POLE: variants seen among roughly 807,000 people sequenced by gnomAD.
POLE encodes the protein DNA polymerase epsilon catalytic subunit A.
In POLE, 188 loss-of-function variants were observed where a neutral mutation model predicts 279.2. The ratio of observed to expected loss-of-function variants is 0.67; its 90% CI spans 0.60 to 0.76. POLE has a LOEUF of 0.76. Among genes scored for constraint, POLE ranks in the 30% least tolerant of loss-of-function variants. The pLI is 0.00. For missense variants in POLE, 2,703 were observed against 3,016.7 expected, an observed-to-expected ratio of 0.90 and a Z score of 2.44; for synonymous variants, 1,214 against 1,172.5, an observed-to-expected ratio of 1.04 and a Z score of -0.72.
At chr12:132,625,380 T>C in intron 47 of POLE, 2 of 739,358 alleles carry the variant, frequency 2.7e-6, no homozygotes, top group Non-Finnish European at 5.0e-6. Context: ...CTCTTCCTCC[T>C]TTCCTTCTCT....
intron 1 of POLE, among the ~76,000 whole-genome samples, chr12:132,686,869 CCCCTCCCCGCA>C (rs2043283977): frequency 1.3e-5 from 2 of 151,894 alleles, no homozygotes; most frequent in Admixed American, 6.6e-5. Flanking sequence ...CCCGGCCCCG[CCCCTCCCCGCA>C]CCCTCCCCAG....
At position 132,648,906 on chromosome 12, in the gene POLE, A is replaced by G. The variant is rs371309654; in HGVS notation, c.4149+23T>C. The G allele has an allele frequency of 2.4e-5, 39 of 1,598,278 alleles. No individual in the cohort carries two copies. In the African/African-American group the frequency reaches 3.7e-4, roughly 15 times the overall value. The stretch of plus-strand genomic sequence containing the variant: ...CCTCAGGCTGCCCAGATGACTGCAG[A>G]GGCAGCACCAGCTCCTCCCTACCTT... On this transcript the variant is annotated intron_variant, in intron 32 of 48. Coordinates refer to ENST00000320574, the MANE Select transcript of POLE (RefSeq NM_006231.4).
In POLE at chr12:132,675,418, G is replaced by A. The variant is rs772441931; in HGVS notation, c.1206C>T (p.Cys402=). 6.2e-7 allele frequency: 1 copy of A among 1,614,126 alleles called. No homozygotes were observed. Among genetic ancestry groups the A allele is most frequent in the African/African-American group, 1.3e-5 (1 of 75,046 alleles). Residue 402 remains cysteine, a synonymous_variant, in exon 12 of 49, where the codon TGC becomes TGT. Coordinates refer to ENST00000320574, the MANE Select transcript of POLE (RefSeq NM_006231.4). This position sits in a 1 kb window ranked among gnomAD's most constrained non-coding sequence, Gnocchi z 4.3. ...DSQGEYKAPQ[C]IHMDCLRWVK... is the part of the protein sequence containing the mutation. ...CCTACCTGAGGCAGTCCATGTGGAT[G>A]CACTGGGGCGCCTTGTACTCCCCCT...
chr12:132,682,291 C>CAAAAA lies in POLE; in HGVS notation c.63-1017_63-1013dup, dbSNP rs759276322. 5.4e-3 allele frequency among the ~76,000 whole-genome samples: 656 copies of CAAAAA among 120,386 alleles called. 10 individuals are homozygous for CAAAAA. Among genetic ancestry groups the CAAAAA allele is most frequent in the African/African-American group, 0.02 (592 of 29,120 alleles). 79.0% of individuals were successfully genotyped at this position (120,386 alleles called of 152,430 possible). Reference sequence around the variant, plus strand: ...CCTGGGCAGCAGAGCGAGACTCCGGCAAAAAAAAAAAAATAAATAAAAATA... The same window carrying CAAAAA: ...CCTGGGCAGCAGAGCGAGACTCCGGCAAAAAAAAAAAAAAAAAATAAATAAAAATA... On this transcript the variant is annotated intron_variant, in intron 1 of 48. Transcript: ENST00000320574.
intron 12 of POLE, among the ~76,000 whole-genome samples, chr12:132,674,831 C>CCCTTCCCTT (rs2043007462): frequency 6.8e-6 from 1 of 147,348 alleles, no homozygotes; most frequent in Admixed American, 6.7e-5. Flanking sequence ...TTCCCTCCCT[C>CCCTTCCCTT]CCTTCCCTTC....
intron 29 of POLE, among the ~76,000 whole-genome samples, chr12:132,656,127 T>A (rs1228354400): frequency 6.7e-6 from 1 of 150,330 alleles, no homozygotes; most frequent in African/African-American, 2.5e-5. Flanking sequence ...CTAGGCATGG[T>A]GGTGTGTGCC....
At chr12:132,682,957 A>T (rs536565705) in intron 1 of POLE, among the ~76,000 whole-genome samples, 52 of 152,220 alleles carry the variant, frequency 3.4e-4, no homozygotes, top group East Asian at 1.5e-3. Context: ...CGTCTAAAAA[A>T]AAAATAAAAT....
rs754481643 is a variant in POLE at position 132,624,908 on chromosome 12, G to A, written c.6744C>T (p.Thr2248=). ...AGGCAGATGAGGGAGAGCCCACCTG[G>A]GTGTGGATGGTGAGGGCGAAGTCTC... ...CAGDFALTIH[T]QVFMEQIGIF... is the part of the protein sequence containing the mutation. The change falls in exon 48 of 49, where the codon ACC becomes ACT. Residue 2248 remains threonine, a synonymous_variant. Transcript: ENST00000320574. 2 of 1,612,352 alleles carry A rather than the reference G, an allele frequency of 1.2e-6. No homozygotes were observed. The highest frequency in any genetic ancestry group is 2.2e-5 in the South Asian group (2 of 91,030).
In POLE at chr12:132,628,295, G is replaced by A. The variant is rs946143084; in HGVS notation, c.6331-1978C>T. On this transcript the variant is annotated intron_variant, in intron 45 of 48. Coordinates refer to ENST00000320574, the MANE Select transcript of POLE (RefSeq NM_006231.4). ...AGGGAGCTTGCAGTGAGCCAAGATC[G>A]CGCCACTGCACTCCAGCCTGGGCGA... Among the ~76,000 whole-genome samples the A allele has an allele frequency of 9.2e-5, 14 of 151,952 alleles. No homozygotes were observed. In the Middle Eastern group the frequency reaches 0.01, roughly 111 times the overall value.
At chr12:132,652,469 G>A (rs2042444671) in intron 29 of POLE, among the ~76,000 whole-genome samples, 1 of 151,846 alleles carries the variant, frequency 6.6e-6, no homozygotes, top group African/African-American at 2.4e-5. Context: ...CTACAGGCAT[G>A]CACAACCATG....
rs1311350422 is a variant in POLE at position 132,687,262 on chromosome 12, C to G, written c.54G>C (p.Glu18Asp). 2.0e-6 allele frequency: 3 copies of G among 1,500,228 alleles called. No homozygotes were observed. The Admixed American group carries it at 6.3e-5, about 31-fold the overall frequency. The allele number at this position is 1,500,228 out of a possible 1,614,324, so 92.9% of individuals were successfully genotyped here. A position where few individuals can be genotyped will look rare whatever the true frequency, so the allele number is the denominator to read the frequency against. The change falls in exon 1 of 49, where the codon GAG becomes GAC. Residue 18 changes from glutamate (E) to aspartate (D), a missense_variant. Glu to Asp is a conservative substitution (Grantham distance 45, BLOSUM62 2). This residue lies in a region of POLE where 1,011 missense variants were observed against 1,111.7 expected (regional missense o/e 0.91). Transcript: ENST00000320574. ...RRRADPGADG[E>D]ASRDDGATSS... ...AGGAGGGCGCCCCTCACCTGCTGGC[C>G]TCGCCATCCGCGCCTGGGTCCGCGC... is the stretch of plus-strand genomic sequence containing the variant.
chr12:132,687,324 T>A lies in POLE; in HGVS notation c.-9A>T. The A allele has an allele frequency of 2.7e-6, 4 of 1,498,784 alleles. No homozygotes were observed. Among genetic ancestry groups the A allele is most frequent in the Non-Finnish European group, 3.6e-6 (4 of 1,123,122 alleles). The allele number at this position is 1,498,784 out of a possible 1,614,324, so 92.8% of individuals were successfully genotyped here. A position where few individuals can be genotyped will look rare whatever the true frequency, so the allele number is the denominator to read the frequency against. ...CCGCTCCTCAGAGACATGGAGCCGTTGGCTACCACCTCTGCTTCAGGGGAG... is the reference window on the plus strand; with the variant it reads ...CCGCTCCTCAGAGACATGGAGCCGTAGGCTACCACCTCTGCTTCAGGGGAG... On this transcript the variant is annotated 5_prime_UTR_variant, in exon 1 of 49. Transcript: ENST00000320574.
In POLE at chr12:132,638,967, C is replaced by T. The variant is rs558562416; in HGVS notation, c.5552+158G>A. On this transcript the variant is annotated intron_variant, in intron 40 of 48. Coordinates refer to ENST00000320574, the MANE Select transcript of POLE (RefSeq NM_006231.4). The stretch of plus-strand genomic sequence containing the variant: ...GCAGGCGACGCTGCAGCAGCAGCTG[C>T]GTGTTTCTCTGGGATCCTTTGGATT... The T allele has an allele frequency of 8.0e-5, 53 of 660,308 alleles. No individual in the cohort carries two copies. The South Asian group carries it at 8.9e-4, about 11-fold the overall frequency. The allele number at this position is 660,308 out of a possible 1,614,324, so 40.9% of individuals were successfully genotyped here.
rs5744869 is a variant in POLE, at chr12:132,659,196, T to C, written c.3275+99A>G. On this transcript the variant is annotated intron_variant, in intron 26 of 48. Transcript: ENST00000320574. ...CGTGACAGGGCAGCCCTCACCTCTCTGTGATGAGGGGAGCCCTCACCTCTC... is the reference window on the plus strand; with the variant it reads ...CGTGACAGGGCAGCCCTCACCTCTCCGTGATGAGGGGAGCCCTCACCTCTC... 114 of 1,232,092 alleles carry C rather than the reference T, an allele frequency of 9.3e-5. 2 individuals are homozygous for C. Among genetic ancestry groups the C allele is most frequent in the Admixed American group, 1.7e-4 (8 of 46,538 alleles). The allele number at this position is 1,232,092 out of a possible 1,614,324, so 76.3% of individuals were successfully genotyped here.
intron 9 of POLE, 82 bp from the exon 10 acceptor site, chr12:132,676,286 G>A: frequency 1.1e-6 from 1 of 920,780 alleles, no homozygotes; most frequent in Non-Finnish European, 1.7e-6. Flanking sequence ...CACACACTCT[G>A]CCTAGAGATT....
intron 21 of POLE, 114 bp downstream of exon 21, chr12:132,665,188 T>A: frequency 3.0e-5 from 32 of 1,050,624 alleles, no homozygotes; most frequent in Non-Finnish European, 3.3e-5. Context: ...CCCTCCAACA[T>A]TCCTTGAATC....
chr12:132,658,646 T>C (rs1207060775), intron 26 of POLE: 1 of 153,808 alleles, frequency 6.5e-6, no homozygotes, highest in Non-Finnish European at 1.4e-5. Context: ...AGGAAACATC[T>C]GTGGTGAATA....
Position 132,634,167 on chromosome 12 carries a change from C to T in POLE, c.6004+19G>A. The T allele has an allele frequency of 6.2e-7, 1 of 1,600,066 alleles. No individual in the cohort carries two copies. Among genetic ancestry groups the T allele is most frequent in the Admixed American group, 1.7e-5 (1 of 59,386 alleles). On this transcript the variant is annotated intron_variant, in intron 43 of 48. Coordinates refer to ENST00000320574, the MANE Select transcript of POLE (RefSeq NM_006231.4). The surrounding 1 kb of genome is among the most constrained non-coding windows in gnomAD (Gnocchi z 4.0). ...AGTCCCTTCAGTGGGGGCTGCGCAG[C>T]CCTGGGCTCTGGGCTTACCTGAAAC...
intron 1 of POLE, among the ~76,000 whole-genome samples, chr12:132,686,642 G>A (rs999811918): frequency 6.6e-6 from 1 of 152,080 alleles, no homozygotes; most frequent in Non-Finnish European, 1.5e-5. Context: ...GGCTGAGGCA[G>A]CGGGATCGCT....
Sources: gnomAD v4.1 joint callset for allele counts (sites outside exome capture counted in the v4.1 genomes callset) on GRCh38, gnomAD v4.1.1 for gene constraint, gnomAD v4.1.1 regional missense constraint, Gnocchi (gnomAD v3.1) non-coding constraint, MANE v1.5 for transcripts, NCBI Gene and HGNC (gene_info 2026-07-23, HGNC 2026-07-21) for gene names.